Variants in GAN observed in about 807,000 individuals in gnomAD.
GAN encodes the protein epididymis secretory sperm binding protein.
In GAN, 48 loss-of-function variants were observed where a neutral mutation model predicts 71.3. That is an observed-to-expected ratio of 0.67 (90% CI 0.53 to 0.86). GAN has a LOEUF of 0.86. GAN is among the 40% of genes least tolerant of loss of function. GAN has a pLI of 0.00. For synonymous variants in GAN, 386 were observed against 276.8 expected, an observed-to-expected ratio of 1.39 and a Z score of -3.92; for missense variants, 928 against 770.1, an observed-to-expected ratio of 1.21 and a Z score of -2.43.
chr16:81,370,273 A>G (rs1910997230), intron 9 of GAN, among the ~76,000 whole-genome samples: 1 of 152,246 alleles, frequency 6.6e-6, no homozygotes, highest in Non-Finnish European at 1.5e-5. Flanking sequence ...AGGAAGAAAC[A>G]GGTACTTTCA....
rs310025 is a variant in GAN, at chr16:81,389,375, G to A, written c.*11779G>A. The stretch of plus-strand genomic sequence containing the variant: ...TTTTGTGAATTGTGACAACCATCCC[G>A]TAATCATTGTGGCCTCAGCAGAAGT... On this transcript the variant is annotated 3_prime_UTR_variant, in exon 11 of 11. Coordinates refer to ENST00000648994, the MANE Select transcript of GAN (RefSeq NM_022041.4). 35,051 of 152,130 alleles carry A rather than the reference G, an allele frequency of 0.23. 4,422 individuals carry two copies. Among genetic ancestry groups the A allele is most frequent in the Non-Finnish European group, 0.3 (20,226 of 67,992 alleles). The allele number at this position is 152,130 out of a possible 1,614,324, so 9.4% of individuals were successfully genotyped here.
intron 9 of GAN, among the ~76,000 whole-genome samples, chr16:81,371,493 AT>A (rs1911034664): frequency 6.6e-6 from 1 of 152,210 alleles, no homozygotes; most frequent in South Asian, 2.1e-4. Flanking sequence ...TTAGACTTAA[AT>A]TGCAAGCTGT....
Position 81,353,039 on chromosome 16 carries a change from C to T in GAN, c.282+1342C>T, listed in dbSNP as rs375057195. Among the ~76,000 whole-genome samples the T allele has an allele frequency of 3.9e-5, 6 of 152,300 alleles. 1 individual carries two copies. The highest frequency in any genetic ancestry group is 1.4e-4 in the African/African-American group (6 of 41,570). ...GGGCGCGGTGGCTCACGCCTGTAAT[C>T]CCAGCACTTTGGGAGGCCGAGGCGG... On this transcript the variant is annotated intron_variant, in intron 2 of 10. Transcript: ENST00000648994.
intron 1 of GAN, among the ~76,000 whole-genome samples, chr16:81,338,603 G>A (rs888083722): frequency 1.3e-5 from 2 of 152,140 alleles, no homozygotes. Flanking sequence ...GGAAAGAAAT[G>A]CAAAACAGAA....
Position 81,363,837 on chromosome 16 carries a change from A to G in GAN, c.1130A>G (p.Tyr377Cys), listed in dbSNP as rs781289296. The change falls in exon 7 of 11, where the codon TAC becomes TGC. Residue 377 changes from tyrosine (Y) to cysteine (C), a missense_variant. Coordinates refer to ENST00000648994, the MANE Select transcript of GAN (RefSeq NM_022041.4). ...ATTGTGGAGATAGATGGGATGCTGT[A>G]CATTTTGGGAGGAGAGGATGGTGAA... The part of the protein sequence containing the change: ...FGIVEIDGML[Y>C]ILGGEDGEKE... 2 of 1,612,656 alleles carry G rather than the reference A, an allele frequency of 1.2e-6. No individual in the cohort carries two copies. Among genetic ancestry groups the G allele is most frequent in the Non-Finnish European group, 1.7e-6 (2 of 1,178,726 alleles).
intron 1 of GAN, among the ~76,000 whole-genome samples, chr16:81,331,773 T>A (rs571467808): frequency 1.3e-5 from 2 of 152,308 alleles, no homozygotes; most frequent in Admixed American, 6.5e-5. Flanking sequence ...AACGGTTTAT[T>A]TGGGAAGCAA....
In GAN at chr16:81,341,932, G is replaced by T. The variant is rs144129578; in HGVS notation, c.168-9651G>T. ...CACATAGGCTCAAAATAAAGGGATG[G>T]AGGAAGATCTACCAAGCAAATGGAA... On this transcript the variant is annotated intron_variant, in intron 1 of 10. Transcript: ENST00000648994. Among the ~76,000 whole-genome samples, 18 of 152,318 alleles carry T rather than the reference G, an allele frequency of 1.2e-4. 1 individual carries two copies. In the East Asian group the frequency reaches 3.3e-3, roughly 28 times the overall value.
In GAN at chr16:81,330,210, C is replaced by G. The variant is rs1188553932; in HGVS notation, c.167+14930C>G. On this transcript the variant is annotated intron_variant, in intron 1 of 10. Transcript: ENST00000648994. The stretch of plus-strand genomic sequence containing the variant: ...GCCTCCCTGCTCAGCCCCCGTCAGT[C>G]TCCACACTGCTGCCGCCAGAGTGAT... Among the ~76,000 whole-genome samples, 4 of 152,242 alleles carry G rather than the reference C, an allele frequency of 2.6e-5. No homozygotes were observed. The East Asian group carries it at 5.8e-4, about 22-fold the overall frequency.
rs1185893242 is a variant in GAN at position 81,386,029 on chromosome 16, GT to G, written c.*8434del. On this transcript the variant is annotated 3_prime_UTR_variant, in exon 11 of 11. Coordinates refer to ENST00000648994, the MANE Select transcript of GAN (RefSeq NM_022041.4). ...ACCTCCCAAAGTGCTGGGATTACAG[GT>G]GTGAGCATCCAGCCAGAAAATGATT... 1 of 152,158 alleles carries G rather than the reference GT, an allele frequency of 6.6e-6. No homozygotes were observed. 9.4% of individuals were successfully genotyped at this position (152,158 alleles called of 1,614,324 possible).
Position 81,377,840 on chromosome 16 carries a change from C to A in GAN, c.*244C>A. 2 of 564,142 alleles carry A rather than the reference C, an allele frequency of 3.5e-6. No individual in the cohort carries two copies. The highest frequency in any genetic ancestry group is 2.1e-5 in the South Asian group (1 of 47,374). The allele number at this position is 564,142 out of a possible 1,614,324, so 34.9% of individuals were successfully genotyped here. ...TAAATGTGGCTGTAGATGTTGGAGG[C>A]TAGGGAGGCTAGTAAATATCAAAAG... On this transcript the variant is annotated 3_prime_UTR_variant, in exon 11 of 11. Transcript: ENST00000648994.
rs1904284111 is a variant in GAN, at chr16:81,377,125, G to A, written c.1503-94G>A. 3.9e-5 allele frequency: 32 copies of A among 823,912 alleles called. No homozygotes were observed. The South Asian group carries it at 4.1e-4, about 11-fold the overall frequency. 51.0% of individuals were successfully genotyped at this position (823,912 alleles called of 1,614,324 possible). On this transcript the variant is annotated intron_variant, in intron 9 of 10. Transcript: ENST00000648994. ...CGAGATTGGCACAGTGCCTGATACT[G>A]CTGATGACTCACCAAGCTTGCTGTG...
At chr16:81,361,274 C>T (rs1455545512) in intron 5 of GAN, among the ~76,000 whole-genome samples, 1 of 152,128 alleles carries the variant, frequency 6.6e-6, no homozygotes, top group African/African-American at 2.4e-5. Flanking sequence ...AACTTTCTGC[C>T]TTAGATGTCC....
chr16:81,351,412 T>C (rs113602404), intron 1 of GAN, among the ~76,000 whole-genome samples, 171 bp from the exon 2 acceptor site: 195 of 152,342 alleles, frequency 1.3e-3, no homozygotes, highest in African/African-American at 4.4e-3. Context: ...ACCAATGTTT[T>C]GTAGTTGAAA....
At chr16:81,374,867 G>A (rs1000987687) in intron 9 of GAN, among the ~76,000 whole-genome samples, 1 of 152,210 alleles carries the variant, frequency 6.6e-6, no homozygotes, top group Non-Finnish European at 1.5e-5. Flanking sequence ...GCAATTTAGT[G>A]GGGGAAAGAA....
chr16:81,318,476 A>G (rs1909118927), intron 1 of GAN, among the ~76,000 whole-genome samples: 1 of 151,912 alleles, frequency 6.6e-6, no homozygotes, highest in South Asian at 2.1e-4. Context: ...TAGCCTGGGC[A>G]ACATAGTGAG....
At chr16:81,352,151 C>G (rs528942122) in intron 2 of GAN, among the ~76,000 whole-genome samples, 3 of 152,148 alleles carry the variant, frequency 2.0e-5, no homozygotes, top group Non-Finnish European at 4.4e-5. Context: ...CCTTGTAGAT[C>G]ATTCCCAGAG....
intron 1 of GAN, among the ~76,000 whole-genome samples, chr16:81,324,431 G>A (rs1035177771): frequency 6.6e-6 from 1 of 152,064 alleles, no homozygotes; most frequent in Admixed American, 6.5e-5. Context: ...TGAGGGAGGA[G>A]GAGACCTAGG....
In GAN at chr16:81,370,952, G is replaced by A. The variant is rs779902091; in HGVS notation, c.1502+5474G>A. Among the ~76,000 whole-genome samples, 54 of 151,996 alleles carry A rather than the reference G, an allele frequency of 3.6e-4. 1 individual carries two copies. Among genetic ancestry groups the A allele is most frequent in the Middle Eastern group, 3.2e-3 (1 of 316 alleles). ...ATGAAAGCCTTCAACTTTCCACAGA[G>A]CACCACTCTAGCTGGACATGCTGAT... On this transcript the variant is annotated intron_variant, in intron 9 of 10. Coordinates refer to ENST00000648994, the MANE Select transcript of GAN (RefSeq NM_022041.4).
At chr16:81,366,942 G>C (rs1397354241) in intron 9 of GAN, among the ~76,000 whole-genome samples, 5 of 151,866 alleles carry the variant, frequency 3.3e-5, no homozygotes, top group Admixed American at 3.3e-4. Flanking sequence ...CTTCCACCTC[G>C]GCCTCCCAAG....
Sources: gnomAD v4.1 joint callset for allele counts (sites outside exome capture counted in the v4.1 genomes callset) on GRCh38, gnomAD v4.1.1 for gene constraint, MANE v1.5 for transcripts, NCBI Gene and HGNC (gene_info 2026-07-23, HGNC 2026-07-21) for gene names.